VSTM1: variants seen among roughly 807,000 people sequenced by gnomAD.
The protein encoded by VSTM1 is V-set and transmembrane domain containing 1, also known as V-set and transmembrane domain-containing protein 1.
In VSTM1, 27 loss-of-function variants were observed where a neutral mutation model predicts 33.1. The ratio of observed to expected loss-of-function variants is 0.82; its 90% confidence interval spans 0.60 to 1.12. The LOEUF is 1.12. Among genes scored for constraint, VSTM1 ranks in the 50% most tolerant of loss-of-function variants. The pLI is 0.00. For missense variants in VSTM1, 304 were observed against 288.9 expected (o/e 1.05, Z -0.38); for synonymous variants, 115 against 110.3 (o/e 1.04, Z -0.27).
intron 4 of VSTM1, among the ~76,000 whole-genome samples, chr19:54,045,962 GTATC>G (rs1328323915): frequency 4.6e-5 from 7 of 151,596 alleles, no homozygotes; most frequent in African/African-American, 7.3e-5. Flanking sequence ...TAATCTATCT[GTATC>G]TATCTACCTA....
Position 54,058,598 on chromosome 19 carries a change from C to T in VSTM1, c.71-8G>A. The T allele has an allele frequency of 1.2e-6, 2 of 1,613,184 alleles. No homozygotes were observed. Among genetic ancestry groups the T allele is most frequent in the African/African-American group, 1.3e-5 (1 of 74,904 alleles). ...AGGGCTTGGGCGGTTTCTCTGGAAA[C>T]AATTCAGAGTTAATTTGAGTCTAGA... On this transcript the variant is annotated splice_region_variant and splice_polypyrimidine_tract_variant and intron_variant, in intron 2 of 8. Transcript: ENST00000338372.
chr19:54,055,551 G>A (rs1192352225), intron 3 of VSTM1: 2 of 143,056 alleles, frequency 1.4e-5, no homozygotes, highest in African/African-American at 5.2e-5. Flanking sequence ...GAGGCCAAGT[G>A]TGATGAGTTG....
At chr19:54,041,171 T>A in intron 8 of VSTM1, 91 bp from the exon 9 acceptor site, 1 of 1,348,334 alleles carries the variant, frequency 7.4e-7, no homozygotes, top group Admixed American at 3.5e-5. Context: ...TTAATTACAA[T>A]TAAATTTAAT....
At chr19:54,052,170 G>A (rs1018112563) in intron 3 of VSTM1, among the ~76,000 whole-genome samples, 17 of 151,796 alleles carry the variant, frequency 1.1e-4, no homozygotes, top group Admixed American at 6.6e-4. Flanking sequence ...AGGCCGAGGC[G>A]GGCAGATCAC....
At chr19:54,046,668 A>T (rs1388313814) in intron 4 of VSTM1, among the ~76,000 whole-genome samples, 1 of 150,968 alleles carries the variant, frequency 6.6e-6, no homozygotes, top group Non-Finnish European at 1.5e-5. Flanking sequence ...GAACATTTGT[A>T]TCTCTTCTTT....
At chr19:54,046,964 G>A (rs1386993678) in intron 4 of VSTM1, among the ~76,000 whole-genome samples, 2 of 152,144 alleles carry the variant, frequency 1.3e-5, no homozygotes, top group Non-Finnish European at 2.9e-5. Flanking sequence ...GGGAGGTCGA[G>A]GCAGGCAGAG....
In VSTM1 at chr19:54,042,271, G is replaced by A. The variant is rs1185911899; in HGVS notation, c.487+6C>T. ...CCCTCTCTCCCTTTGCGTTCTCTGA[G>A]CTCACTGTGCTGGCTGCATCTGTAG... On this transcript the variant is annotated splice_donor_region_variant and intron_variant, in intron 5 of 8. Transcript: ENST00000338372. 1 of 1,613,916 alleles carries A rather than the reference G, an allele frequency of 6.2e-7. No homozygotes were observed. Among genetic ancestry groups the A allele is most frequent in the Admixed American group, 1.7e-5 (1 of 59,972 alleles).
chr19:54,046,921 C>T (rs772753898), intron 4 of VSTM1, among the ~76,000 whole-genome samples: 6 of 152,130 alleles, frequency 3.9e-5, no homozygotes, highest in African/African-American at 9.7e-5. Flanking sequence ...TCAAGCCAGG[C>T]GTGGTGGCTC....
At position 54,058,368 on chromosome 19, in the gene VSTM1, T is replaced by C; in HGVS notation, c.293A>G (p.Tyr98Cys). Residue 98 changes from tyrosine (Y) to cysteine (C), a missense_variant, in exon 3 of 9, where the codon TAC (tyrosine) becomes TGC (cysteine). Tyr to Cys is a radical substitution (Grantham distance 194). Transcript: ENST00000338372. ...CCACTCATGGGAGGCTGTTGTCTTG[T>C]AGGCACAAAAGTACCTCCCAGCATC... is the stretch of plus-strand genomic sequence containing the variant. ...PKDAGRYFCA[Y>C]KTTASHEWSE... 1 of 1,614,178 alleles carries C rather than the reference T, an allele frequency of 6.2e-7. No individual in the cohort carries two copies. Among genetic ancestry groups the C allele is most frequent in the Non-Finnish European group, 8.5e-7 (1 of 1,180,036 alleles).
rs748513288 is a variant in VSTM1, at chr19:54,058,402, T to G, written c.259A>C (p.Lys87Gln). ...AAGTACCTCCCAGCATCCTTAGGCT[T>G]CAGGTCCGTGAAGGGGAATTCAGCT... is the stretch of plus-strand genomic sequence containing the variant. ...NEAEFPFTDL[K>Q]PKDAGRYFCA... The change falls in exon 3 of 9, where the codon AAG (lysine) becomes CAG (glutamine). Residue 87 changes from lysine (K) to glutamine (Q), a missense_variant. Lys to Gln is a moderately conservative substitution (Grantham distance 53). Coordinates refer to ENST00000338372, the MANE Select transcript of VSTM1 (RefSeq NM_198481.4). 1.9e-6 allele frequency: 3 copies of G among 1,614,012 alleles called. No homozygotes were observed. In the African/African-American group the frequency reaches 4.0e-5, roughly 22 times the overall value.
intron 1 of VSTM1, among the ~76,000 whole-genome samples, chr19:54,062,596 T>C (rs1416913915): frequency 2.6e-5 from 4 of 151,436 alleles, no homozygotes; most frequent in Admixed American, 6.6e-5. Context: ...TGGTGGCGTG[T>C]GCCTATAATC....
At chr19:54,051,285 C>G in intron 4 of VSTM1, 125 bp downstream of exon 4, 1 of 906,412 alleles carries the variant, frequency 1.1e-6, no homozygotes, top group East Asian at 2.9e-5. Flanking sequence ...AAGCGAGACT[C>G]TATCTCAAAA....
chr19:54,059,557 AC>A (rs751611171), intron 1 of VSTM1, among the ~76,000 whole-genome samples: 1 of 148,624 alleles, frequency 6.7e-6, no homozygotes, highest in Non-Finnish European at 1.5e-5. Context: ...AACCTCCTCC[AC>A]CCCCTGGGTT....
intron 4 of VSTM1, among the ~76,000 whole-genome samples, chr19:54,047,735 C>T (rs190212937): frequency 3.4e-4 from 52 of 152,280 alleles, no homozygotes; most frequent in African/African-American, 1.0e-3. Context: ...TTCCAGCCTA[C>T]GGTATCTTTC....
At chr19:54,059,640 T>TTTG (rs1164295841) in intron 1 of VSTM1, among the ~76,000 whole-genome samples, 1 of 148,728 alleles carries the variant, frequency 6.7e-6, no homozygotes, top group Non-Finnish European at 1.5e-5. Context: ...CCAGCTAATT[T>TTTG]TTGTTGTTGT....
At chr19:54,054,661 GGATA>G (rs1489850999) in intron 3 of VSTM1, among the ~76,000 whole-genome samples, 1 of 141,132 alleles carries the variant, frequency 7.1e-6, no homozygotes, top group East Asian at 2.0e-4. Flanking sequence ...ATGGATGGAT[GGATA>G]GATGGATAGG....
chr19:54,040,850 T>C lies in VSTM1; in HGVS notation c.*111A>G. ...TTTCTTTTTAAGACGAGAAACTTAA[T>C]TTTATTGATATGGACGAAGAGCAAG... On this transcript the variant is annotated 3_prime_UTR_variant, in exon 9 of 9. Coordinates refer to ENST00000338372, the MANE Select transcript of VSTM1 (RefSeq NM_198481.4). The C allele has an allele frequency of 2.8e-6, 4 of 1,406,106 alleles. No homozygotes were observed. Among genetic ancestry groups the C allele is most frequent in the Middle Eastern group, 2.3e-4 (1 of 4,430 alleles). The allele number at this position is 1,406,106 out of a possible 1,614,324, so 87.1% of individuals were successfully genotyped here.
At position 54,042,837 on chromosome 19, in the gene VSTM1, T is replaced by TATATATATAC. The variant is rs1320221580; in HGVS notation, c.395-469_395-468insGTATATATAT. Among the ~76,000 whole-genome samples the TATATATATAC allele has an allele frequency of 8.0e-4, 53 of 66,396 alleles. 1 individual carries two copies. The highest frequency in any genetic ancestry group is 2.0e-3 in the South Asian group (5 of 2,492). The allele number at this position is 66,396 out of a possible 152,430, so 43.6% of individuals were successfully genotyped here. A position where few individuals can be genotyped will look rare whatever the true frequency, so the allele number is the denominator to read the frequency against. On this transcript the variant is annotated intron_variant, in intron 4 of 8. Transcript: ENST00000338372. ...ATATATATATATATATATATATATA[T>TATATATATAC]ACATATATATATATATATACACACT...
Position 54,063,780 on chromosome 19 carries a change from C to G in VSTM1, c.-3G>C. 6.2e-7 allele frequency: 1 copy of G among 1,613,854 alleles called. No individual in the cohort carries two copies. The highest frequency in any genetic ancestry group is 1.1e-5 in the South Asian group (1 of 90,972). On this transcript the variant is annotated 5_prime_UTR_variant, in exon 1 of 9. Transcript: ENST00000338372. ...AGGGAGAGGAATTCTGCGGTCATAGCGTCCCTTCTGCCAGAACCAAGGCCC... is the reference window on the plus strand; with the variant it reads ...AGGGAGAGGAATTCTGCGGTCATAGGGTCCCTTCTGCCAGAACCAAGGCCC...
Sources: gnomAD v4.1 joint callset for allele counts (sites outside exome capture counted in the v4.1 genomes callset) on GRCh38, gnomAD v4.1.1 for gene constraint, MANE v1.5 for transcripts, NCBI Gene and HGNC (gene_info 2026-07-23, HGNC 2026-07-21) for gene names.